The following RCL1 variants were observed in gnomAD, a reference collection of about 807,000 sequenced individuals.
RCL1 encodes the protein RNA 3'-terminal phosphate cyclase-like protein.
A neutral mutation model predicts 42.4 loss-of-function variants in RCL1; 24 were observed. The ratio of observed to expected loss-of-function variants is 0.57; its 90% CI spans 0.41 to 0.80. RCL1 has a LOEUF of 0.80. Among genes scored for constraint, RCL1 ranks in the 30% least tolerant of loss-of-function variants. RCL1 has a pLI of 0.00. For missense variants in RCL1, 578 were observed against 467.9 expected (o/e 1.24, Z -2.17); for synonymous variants, 228 against 177.3 (o/e 1.29, Z -2.27).
At chr9:4,854,024 C>G (rs1263602819) in intron 8 of RCL1, among the ~76,000 whole-genome samples, 3 of 152,182 alleles carry the variant, frequency 2.0e-5, no homozygotes, top group Non-Finnish European at 2.9e-5. Context: ...CATGAGCTTG[C>G]ACAGTACCAC....
intron 1 of RCL1, among the ~76,000 whole-genome samples, chr9:4,807,260 A>G (rs776919906): frequency 3.3e-5 from 5 of 151,894 alleles, no homozygotes; most frequent in Admixed American, 6.6e-5. Context: ...TCAGTTTTCA[A>G]TTTATTTCTG....
rs764299659 is a variant in RCL1 at position 4,844,625 on chromosome 9, C to T, written c.811C>T (p.Leu271Phe). The T allele has an allele frequency of 2.0e-5, 33 of 1,614,034 alleles. No homozygotes were observed. The highest frequency in any genetic ancestry group is 2.6e-5 in the Non-Finnish European group (31 of 1,179,984). Residue 271 changes from leucine (L) to phenylalanine (F), a missense_variant, in exon 7 of 9, where the codon CTT becomes TTT. By Grantham distance (22) the Leu-to-Phe change is conservative. Coordinates refer to ENST00000381750, the MANE Select transcript of RCL1 (RefSeq NM_005772.5). Reference sequence around the variant, plus strand: ...CCCCCAGGGCCAGGGAGCAGCAGTACTTCCAGAGGACCTTGGCAGGAACTG... The same window carrying T: ...CCCCCAGGGCCAGGGAGCAGCAGTATTTCCAGAGGACCTTGGCAGGAACTG... The part of the protein sequence containing the change: ...SNPQGQGAAV[L>F]PEDLGRNCAR...
rs1563840197 is a variant in RCL1, at chr9:4,823,549, T to G, written c.138T>G (p.Asp46Glu). 1 of 1,608,840 alleles carries G rather than the reference T, an allele frequency of 6.2e-7. No individual in the cohort carries two copies. The highest frequency in any genetic ancestry group is 8.5e-7 in the Non-Finnish European group (1 of 1,178,098). The change falls in exon 2 of 9, where the codon GAT (aspartate) becomes GAG (glutamate). Residue 46 changes from aspartate to glutamate, a missense_variant and splice_region_variant. Transcript: ENST00000381750. ...TTCACAGATTTTTTTTCTTCACAGA[T>G]TTTGAAGCCAGCTTCATAAGGCTAT... ...RARDDNPGLR[D>E]FEASFIRLLD...
rs570860269 is a variant in RCL1, at chr9:4,830,007, A to C, written c.384+2974A>C. ...ACTGAGAATGGAAGAAGGAGAAATGAGTGTTTAAGGTGTGAGTGGGAGAAG... is the reference window on the plus strand; with the variant it reads ...ACTGAGAATGGAAGAAGGAGAAATGCGTGTTTAAGGTGTGAGTGGGAGAAG... On this transcript the variant is annotated intron_variant, in intron 3 of 8. Coordinates refer to ENST00000381750, the MANE Select transcript of RCL1 (RefSeq NM_005772.5). 3.3e-5 allele frequency among the ~76,000 whole-genome samples: 5 copies of C among 152,254 alleles called. No individual in the cohort carries two copies. In the East Asian group the frequency reaches 9.6e-4, roughly 29 times the overall value.
chr9:4,818,765 G>A (rs941659797), intron 1 of RCL1, among the ~76,000 whole-genome samples: 1 of 151,834 alleles, frequency 6.6e-6, no homozygotes, highest in Non-Finnish European at 1.5e-5. Context: ...CTAGCTACTC[G>A]GGAGGGTGAG....
intron 1 of RCL1, among the ~76,000 whole-genome samples, chr9:4,799,708 A>T (rs966771310): frequency 4.6e-5 from 7 of 152,198 alleles, no homozygotes; most frequent in African/African-American, 1.4e-4. Flanking sequence ...TATAAATTAA[A>T]AAAATTTTTA....
chr9:4,817,595 C>G (rs992613270), intron 1 of RCL1, among the ~76,000 whole-genome samples: 1 of 151,746 alleles, frequency 6.6e-6, no homozygotes, highest in African/African-American at 2.4e-5. Context: ...TGCCTCAGCT[C>G]TACCTCAACC....
Position 4,823,530 on chromosome 9 carries a change from G to T in RCL1, c.137-18G>T. On this transcript the variant is annotated intron_variant, in intron 1 of 8. Coordinates refer to ENST00000381750, the MANE Select transcript of RCL1 (RefSeq NM_005772.5). ...CAGTCTGTCTTCTCTTTTCTTCACAGATTTTTTTTCTTCACAGATTTTGAA... is the reference window on the plus strand; with the variant it reads ...CAGTCTGTCTTCTCTTTTCTTCACATATTTTTTTTCTTCACAGATTTTGAA... 1 of 1,598,486 alleles carries T rather than the reference G, an allele frequency of 6.3e-7. No individual in the cohort carries two copies.
At chr9:4,858,135 C>G (rs903707752) in intron 8 of RCL1, among the ~76,000 whole-genome samples, 1 of 152,042 alleles carries the variant, frequency 6.6e-6, no homozygotes, top group Non-Finnish European at 1.5e-5. Flanking sequence ...CTTGGCCTCC[C>G]AAACTGTTGG....
intron 7 of RCL1, among the ~76,000 whole-genome samples, chr9:4,846,781 G>C (rs947729620): frequency 6.6e-6 from 1 of 152,224 alleles, no homozygotes; most frequent in African/African-American, 2.4e-5. Context: ...GGCACAGCTA[G>C]AGTGTGGGGT....
chr9:4,831,650 A>G (rs79014889), intron 3 of RCL1, among the ~76,000 whole-genome samples: 1 of 150,598 alleles, frequency 6.6e-6, no homozygotes, highest in African/African-American at 2.4e-5. Context: ...ATTTTTTTTT[A>G]GTAGAGATGA....
intron 1 of RCL1, among the ~76,000 whole-genome samples, chr9:4,805,712 A>C (rs917655979): frequency 3.5e-4 from 53 of 152,116 alleles, no homozygotes; most frequent in Admixed American, 1.7e-3. Context: ...GGTGCAGTGC[A>C]TGCTGGTGGA....
intron 1 of RCL1, among the ~76,000 whole-genome samples, chr9:4,822,393 G>A (rs770771502): frequency 2.6e-5 from 4 of 152,198 alleles, no homozygotes; most frequent in African/African-American, 4.8e-5. Context: ...GTGTGTTTGT[G>A]TGTAAGATTA....
rs906396261 is a variant in RCL1 at position 4,844,569 on chromosome 9, G to A, written c.755G>A (p.Gly252Asp). ...GLSLVAETTS[G>D]TFLSAELASN... The stretch of plus-strand genomic sequence containing the variant: ...TCACTGGTTGCTGAGACCACCAGTG[G>A]CACCTTCCTCAGTGCTGAACTGGCC... The change falls in exon 7 of 9, where the codon GGC becomes GAC. Residue 252 changes from glycine (G) to aspartate (D), a missense_variant. Transcript: ENST00000381750. The A allele has an allele frequency of 6.2e-7, 1 of 1,613,700 alleles. No homozygotes were observed. Among genetic ancestry groups the A allele is most frequent in the African/African-American group, 1.3e-5 (1 of 75,022 alleles).
At chr9:4,851,009 T>C (rs1817728317) in intron 8 of RCL1, among the ~76,000 whole-genome samples, 1 of 152,182 alleles carries the variant, frequency 6.6e-6, no homozygotes, top group African/African-American at 2.4e-5. Context: ...AATACATATA[T>C]GTTTTTTTTC....
At chr9:4,825,636 C>T (rs947359038) in intron 2 of RCL1, among the ~76,000 whole-genome samples, 3 of 152,150 alleles carry the variant, frequency 2.0e-5, no homozygotes, top group African/African-American at 7.2e-5. Flanking sequence ...GTAAATTGTG[C>T]CAGAGGGCAT....
intron 1 of RCL1, among the ~76,000 whole-genome samples, chr9:4,796,731 T>C (rs1455703954): frequency 6.6e-6 from 1 of 152,174 alleles, no homozygotes; most frequent in Non-Finnish European, 1.5e-5. Flanking sequence ...CTGTGTAGTA[T>C]TCCATAGTGT....
At chr9:4,857,931 C>CTTTTTTTTT (rs34470773) in intron 8 of RCL1, among the ~76,000 whole-genome samples, 2,082 of 102,732 alleles carry the variant, frequency 0.02, 225 homozygotes, top group East Asian at 0.048. Context: ...AGCTCTCCCA[C>CTTTTTTTTT]TTTTTTTTTT....
chr9:4,825,107 G>T (rs999286128), intron 2 of RCL1, among the ~76,000 whole-genome samples: 49 of 151,206 alleles, frequency 3.2e-4, no homozygotes, highest in African/African-American at 1.2e-3. Context: ...TAGAGACAGG[G>T]TGATCTGTCG....
Sources: allele counts gnomAD v4.1 joint callset (sites outside exome capture counted in the v4.1 genomes callset), GRCh38; gene constraint gnomAD v4.1.1; transcripts MANE v1.5; gene names NCBI Gene and HGNC (gene_info 2026-07-23, HGNC 2026-07-21).